Variants in PABPC4L observed in about 807,000 individuals in gnomAD.
The protein encoded by PABPC4L is polyadenylate-binding protein 4-like.
For synonymous variants in PABPC4L, 169 were observed against 164.1 expected, an observed-to-expected ratio of 1.03 and a Z score of -0.23; for missense variants, 452 against 451.4, an observed-to-expected ratio of 1.00 and a Z score of -0.01.
chr4:133,981,994 A>C, the PABPC4L span, among the ~76,000 whole-genome samples: 1 of 151,986 alleles, frequency 6.6e-6, no homozygotes, highest in East Asian at 1.9e-4. Context: ...GTTACTGTAT[A>C]GGGACATAAA....
chr4:134,150,085 G>A, the PABPC4L span, among the ~76,000 whole-genome samples: 1 of 122,584 alleles, frequency 8.2e-6, no homozygotes, highest in Admixed American at 8.7e-5. Context: ...GTTTTATTAT[G>A]TCTTTTTTTT....
the PABPC4L span, among the ~76,000 whole-genome samples, chr4:134,120,336 C>A: frequency 6.9e-6 from 1 of 144,376 alleles, no homozygotes; most frequent in South Asian, 2.2e-4. Flanking sequence ...TTAAAATTAT[C>A]TTCCACATAT....
the PABPC4L span, among the ~76,000 whole-genome samples, chr4:134,176,924 G>A: frequency 6.6e-6 from 1 of 152,088 alleles, no homozygotes; most frequent in Non-Finnish European, 1.5e-5. Flanking sequence ...ACAAGTCCAA[G>A]GAAACTTTAC....
the PABPC4L span, among the ~76,000 whole-genome samples, chr4:134,114,416 T>G: frequency 6.6e-6 from 1 of 151,794 alleles, no homozygotes; most frequent in East Asian, 1.9e-4. Context: ...AAAGTTTTGT[T>G]TTTGGGAAAT....
chr4:134,041,578 G>A, the PABPC4L span, among the ~76,000 whole-genome samples: 1 of 151,996 alleles, frequency 6.6e-6, no homozygotes, highest in Non-Finnish European at 1.5e-5. Flanking sequence ...GGCCTGTCAG[G>A]GGATGGGAGG....
At chr4:134,028,676 C>A in the PABPC4L span, among the ~76,000 whole-genome samples, 1 of 152,056 alleles carries the variant, frequency 6.6e-6, no homozygotes, top group Admixed American at 6.6e-5. Context: ...CTCACCAAAG[C>A]AGAACAATGT....
the PABPC4L span, among the ~76,000 whole-genome samples, chr4:133,950,276 G>C: frequency 6.6e-6 from 1 of 152,288 alleles, no homozygotes; most frequent in East Asian, 1.9e-4. Flanking sequence ...CACCCAGCCA[G>C]AGAGGTGGTC....
chr4:134,120,788 C>T, the PABPC4L span, among the ~76,000 whole-genome samples: 1 of 151,010 alleles, frequency 6.6e-6, no homozygotes, highest in South Asian at 2.1e-4. Context: ...TTGTTGTTTA[C>T]TATATGTGTT....
the PABPC4L span, among the ~76,000 whole-genome samples, chr4:134,021,986 A>G: frequency 1.3e-5 from 2 of 152,112 alleles, no homozygotes; most frequent in African/African-American, 4.8e-5. Context: ...CAGCTATATC[A>G]AACTTAACTG....
chr4:134,090,499 G>A, the PABPC4L span, among the ~76,000 whole-genome samples: 10 of 152,154 alleles, frequency 6.6e-5, no homozygotes, highest in Admixed American at 5.9e-4. Context: ...CAGGTGCAGT[G>A]GCTTATGCCT....
At chr4:134,126,522 A>C in the PABPC4L span, among the ~76,000 whole-genome samples, 1 of 152,236 alleles carries the variant, frequency 6.6e-6, no homozygotes, top group Non-Finnish European at 1.5e-5. Context: ...CCTGTGGGAT[A>C]CTTCGTTATC....
chr4:133,997,115 G>A, the PABPC4L span, among the ~76,000 whole-genome samples: 2 of 151,850 alleles, frequency 1.3e-5, no homozygotes, highest in African/African-American at 2.4e-5. Flanking sequence ...TACAATTAAG[G>A]CCTCTCTATT....
chr4:134,120,050 C>T, the PABPC4L span, among the ~76,000 whole-genome samples: 1 of 151,588 alleles, frequency 6.6e-6, no homozygotes, highest in Non-Finnish European at 1.5e-5. Context: ...CATTCTTTCA[C>T]ATATTTTCTG....
chr4:134,191,314 A>T, the PABPC4L span, among the ~76,000 whole-genome samples: 1 of 152,104 alleles, frequency 6.6e-6, no homozygotes, highest in African/African-American at 2.4e-5. Context: ...GAAATACATG[A>T]CTGGAACAAC....
the PABPC4L span, among the ~76,000 whole-genome samples, chr4:134,002,566 C>G: frequency 6.6e-6 from 1 of 151,700 alleles, no homozygotes; most frequent in South Asian, 2.1e-4. Context: ...TGTATTTAGC[C>G]ATGAATTAAT....
At chr4:133,954,594 G>A in the PABPC4L span, among the ~76,000 whole-genome samples, 3 of 152,002 alleles carry the variant, frequency 2.0e-5, no homozygotes, top group Non-Finnish European at 4.4e-5. Flanking sequence ...TATCAAAGGG[G>A]TCTCTTTAGT....
chr4:134,151,773 T>C, the PABPC4L span, among the ~76,000 whole-genome samples: 1 of 151,886 alleles, frequency 6.6e-6, no homozygotes, highest in African/African-American at 2.4e-5. Flanking sequence ...ACCATTTTCA[T>C]AGCAAATTTA....
chr4:134,122,901 G>T, the PABPC4L span, among the ~76,000 whole-genome samples: 14 of 151,400 alleles, frequency 9.2e-5, 1 homozygote. Context: ...TTAACTATTT[G>T]TCATAATTTT....
At chr4:133,975,505 T>C in the PABPC4L span, among the ~76,000 whole-genome samples, 2 of 152,060 alleles carry the variant, frequency 1.3e-5, no homozygotes. Context: ...TCTCAATAAA[T>C]TTGCTATAAT....
Sources: allele counts gnomAD v4.1 joint callset (sites outside exome capture counted in the v4.1 genomes callset), GRCh38; gene constraint gnomAD v4.1.1; transcripts MANE v1.5; gene names NCBI Gene and HGNC (gene_info 2026-07-23, HGNC 2026-07-21).